The following ERAP1 variants were observed in gnomAD, a reference collection of about 807,000 sequenced individuals.
ERAP1 encodes the protein endoplasmic reticulum aminopeptidase 1, also known as adipocyte-derived leucine aminopeptidase.
ERAP1 carries 86 observed loss-of-function variants against 103.7 expected under a neutral mutation model. The observed-to-expected ratio is 0.83, with a 90% CI of 0.70 to 0.99. The LOEUF (loss-of-function observed/expected upper bound fraction) is 0.99, where lower values mean the gene tolerates loss of function less well. ERAP1 is among the 50% of genes least tolerant of loss of function. The pLI is 0.00. For synonymous variants in ERAP1, 398 were observed against 402.4 expected (o/e 0.99, Z 0.13); for missense variants, 1,009 against 1,128.4 (o/e 0.89, Z 1.52).
intron 14 of ERAP1, among the ~76,000 whole-genome samples, 173 bp downstream of exon 14, chr5:96,783,751 A>C (rs1332444194): frequency 0.036 from 3 of 84 alleles, no homozygotes; most frequent in Non-Finnish European, 0.1. Flanking sequence ...ATAAAACCAA[A>C]ATCTTGCTAG....
At chr5:96,934,319 G>C in the ERAP1 span, 1 of 152,296 alleles carries the variant, frequency 6.6e-6, no homozygotes, top group East Asian at 1.9e-4. Context: ...GTCAGACAAG[G>C]GTTCTTTGCA....
chr5:96,806,623 C>CTTTTTTTTTT (rs75649816), intron 1 of ERAP1, among the ~76,000 whole-genome samples: 3 of 128,020 alleles, frequency 2.3e-5, no homozygotes, highest in East Asian at 2.3e-4. Context: ...CAAGATCCCT[C>CTTTTTTTTTT]TTTTTTTTTT....
the ERAP1 span, among the ~76,000 whole-genome samples, chr5:96,887,073 G>GTGTATATATATA: frequency 2.3e-5 from 2 of 87,164 alleles, no homozygotes; most frequent in South Asian, 4.1e-4. Context: ...AATTTTCAAA[G>GTGTATATATATA]TATATATATA....
chr5:96,837,573 G>C, the ERAP1 span, among the ~76,000 whole-genome samples: 1 of 152,202 alleles, frequency 6.6e-6, no homozygotes, highest in Non-Finnish European at 1.5e-5. Flanking sequence ...GCGCCACCAG[G>C]AGCAAAACTC....
chr5:96,784,225 T>C, intron 13 of ERAP1, 145 bp from the exon 14 acceptor site: 6 of 849,336 alleles, frequency 7.1e-6, no homozygotes, highest in Non-Finnish European at 1.1e-5. Context: ...CCGGGCGCGG[T>C]GGCTCATGCC....
chr5:96,810,058 G>A (rs1311251507), upstream of ERAP1, among the ~76,000 whole-genome samples: 1 of 152,152 alleles, frequency 6.6e-6, no homozygotes, highest in African/African-American at 2.4e-5. Context: ...GGCGAGGAGA[G>A]AGCTGACACC....
chr5:96,788,491 T>C (rs1384947649), intron 11 of ERAP1, 40 bp downstream of exon 11: 1 of 1,611,296 alleles, frequency 6.2e-7, no homozygotes, highest in Non-Finnish European at 8.5e-7. Flanking sequence ...AGGCAGATGT[T>C]ACCTAGACAA....
chr5:96,875,783 G>A, the ERAP1 span, among the ~76,000 whole-genome samples: 1 of 152,158 alleles, frequency 6.6e-6, no homozygotes, highest in Non-Finnish European at 1.5e-5. Context: ...TACAGCAGCA[G>A]AACCCTTGAA....
At chr5:96,838,832 C>T in the ERAP1 span, among the ~76,000 whole-genome samples, 3 of 152,134 alleles carry the variant, frequency 2.0e-5, no homozygotes, top group African/African-American at 7.2e-5. Context: ...CACACACACA[C>T]ACATTTGCCA....
intron 5 of ERAP1, 82 bp from the exon 6 acceptor site, chr5:96,794,039 G>T: frequency 7.1e-7 from 1 of 1,405,400 alleles, no homozygotes; most frequent in Non-Finnish European, 1.0e-6. Flanking sequence ...ATGGATAGGT[G>T]TTTGAACCAG....
chr5:96,903,343 T>C, the ERAP1 span: 5 of 1,529,154 alleles, frequency 3.3e-6, no homozygotes, highest in South Asian at 6.2e-5. Flanking sequence ...AGTTTGTTGA[T>C]AATAAAATGC....
the ERAP1 span, among the ~76,000 whole-genome samples, chr5:96,882,392 G>A: frequency 6.0e-4 from 92 of 152,264 alleles, no homozygotes; most frequent in Middle Eastern, 3.4e-3. Flanking sequence ...TATTCCTGAT[G>A]CTCCTTATGG....
chr5:96,786,386 T>C, intron 12 of ERAP1, 84 bp downstream of exon 12: 1 of 963,640 alleles, frequency 1.0e-6, no homozygotes. Context: ...TTAACCAAGA[T>C]AAATAGCAAA....
the ERAP1 span, chr5:96,912,701 T>TAA: frequency 1.2e-6 from 2 of 1,609,466 alleles, no homozygotes; most frequent in Non-Finnish European, 1.7e-6. Flanking sequence ...AGGATGGAAT[T>TAA]ACCTTTTAGA....
intron 3 of ERAP1, among the ~76,000 whole-genome samples, chr5:96,799,125 C>A (rs1777697483): frequency 6.6e-6 from 1 of 152,094 alleles, no homozygotes; most frequent in Non-Finnish European, 1.5e-5. Context: ...CTCAGCCTCC[C>A]AAAGTGCCGA....
chr5:96,766,243 G>T, intron 19 of ERAP1: 1 of 674,298 alleles, frequency 1.5e-6, no homozygotes, highest in Non-Finnish European at 2.6e-6. Flanking sequence ...CTTTACAATA[G>T]CATAAAACAT....
intron 8 of ERAP1, among the ~76,000 whole-genome samples, chr5:96,790,894 G>A (rs573288706): frequency 4.6e-5 from 7 of 152,292 alleles, no homozygotes; most frequent in African/African-American, 1.4e-4. Flanking sequence ...CAGACCTCCC[G>A]ATGGGGCAAA....
chr5:96,840,070 A>G, the ERAP1 span, among the ~76,000 whole-genome samples: 2 of 152,256 alleles, frequency 1.3e-5, no homozygotes, highest in Non-Finnish European at 2.9e-5. Context: ...TTCCTTGCAT[A>G]TAATACTTTT....
chr5:96,860,495 T>G, the ERAP1 span, among the ~76,000 whole-genome samples: 1 of 152,188 alleles, frequency 6.6e-6, no homozygotes, highest in Non-Finnish European at 1.5e-5. Context: ...GGAGAAGAAC[T>G]AGTCTTACAT....
Sources: gnomAD v4.1 joint callset for allele counts (sites outside exome capture counted in the v4.1 genomes callset) on GRCh38, gnomAD v4.1.1 for gene constraint, MANE v1.5 for transcripts, NCBI Gene and HGNC (gene_info 2026-07-23, HGNC 2026-07-21) for gene names.